Variants in DOCK1 observed in about 807,000 individuals in gnomAD.
The protein encoded by DOCK1 is dedicator of cytokinesis protein 1.
A neutral mutation model predicts 262.7 loss-of-function variants in DOCK1; 138 were observed. The observed-to-expected ratio is 0.53, with a 90% CI of 0.46 to 0.61. The LOEUF is 0.61. Among genes scored for constraint, DOCK1 ranks in the 20% least tolerant of loss-of-function variants. The pLI, the probability that DOCK1 is intolerant of heterozygous loss-of-function variation, is 0.00. For missense variants in DOCK1, 1,908 were observed against 2,370.7 expected (o/e 0.80, Z 4.05); for synonymous variants, 866 against 867.4 (o/e 1.00, Z 0.03).
At chr10:127,062,406 C>T (rs1181674979) in intron 23 of DOCK1, among the ~76,000 whole-genome samples, 1 of 152,148 alleles carries the variant, frequency 6.6e-6, no homozygotes, top group Non-Finnish European at 1.5e-5. Context: ...ATTCAGAATC[C>T]TTTCTACTTG....
chr10:126,970,748 G>T lies in DOCK1; in HGVS notation c.93G>T (p.Gln31His), dbSNP rs1043592156. 1.2e-6 allele frequency: 2 copies of T among 1,613,652 alleles called. No homozygotes were observed. The highest frequency in any genetic ancestry group is 1.7e-6 in the Non-Finnish European group (2 of 1,179,666). ...GAGGAGCGGATGAACTTTCTTTACA[G>T]ATCGGAGACACTGTGCACATCTTAG... Reference protein sequence around the residue: ...DARGADELSLQIGDTVHILET... With the variant: ...DARGADELSLHIGDTVHILET... Residue 31 changes from glutamine to histidine, a missense_variant, in exon 2 of 52, where the codon CAG (glutamine) becomes CAT (histidine). By Grantham distance (24) the Gln-to-His change is conservative (BLOSUM62 0). This residue lies in a region of DOCK1 where 227 missense variants were observed against 254.1 expected (regional missense o/e 0.89). Transcript: ENST00000623213.
intron 13 of DOCK1, among the ~76,000 whole-genome samples, chr10:127,022,720 A>C (rs2042528569): frequency 6.6e-6 from 1 of 152,096 alleles, no homozygotes; most frequent in Admixed American, 6.5e-5. Context: ...ATCAACTTTT[A>C]GTTCAACTCT....
chr10:127,427,886 C>CA (rs2068926793), intron 47 of DOCK1, among the ~76,000 whole-genome samples: 1 of 152,252 alleles, frequency 6.6e-6, no homozygotes, highest in Non-Finnish European at 1.5e-5. Flanking sequence ...GGCTTGAACC[C>CA]AACAAAGCCA....
rs1251002240 is a variant in DOCK1, at chr10:127,070,732, G to A, written c.2445+8956G>A. Among the ~76,000 whole-genome samples the A allele has an allele frequency of 5.3e-5, 8 of 151,100 alleles. No homozygotes were observed. In the Admixed American group the frequency reaches 5.3e-4, roughly 10 times the overall value. ...AGGACTGGAAACTTCTTAGAATCTA[G>A]TGTGCACATGAGTCACCTGGAGGTC... On this transcript the variant is annotated intron_variant, in intron 23 of 51. Transcript: ENST00000623213.
rs1468279043 is a variant in DOCK1 at position 126,990,461 on chromosome 10, A to C, written c.331A>C (p.Asn111His). ...TGGGTTTTTCCCCGTATAGCAAGAT[A>C]ACAGGGAGATGTTTCGAAGTGTGCG... ...TIWRQLYVQD[N>H]REMFRSVRHM... The change falls in exon 6 of 52, where the codon AAC becomes CAC. Residue 111 changes from asparagine to histidine, a missense_variant. Coordinates refer to ENST00000623213, the MANE Select transcript of DOCK1 (RefSeq NM_001290223.2). The C allele has an allele frequency of 3.5e-5, 57 of 1,608,120 alleles. No homozygotes were observed. Among genetic ancestry groups the C allele is most frequent in the Non-Finnish European group, 4.7e-5 (55 of 1,177,154 alleles).
At chr10:127,440,076 T>C (rs2069994441) in intron 49 of DOCK1, among the ~76,000 whole-genome samples, 1 of 146,958 alleles carries the variant, frequency 6.8e-6, no homozygotes, top group African/African-American at 2.5e-5. Flanking sequence ...GCTTGGCTTC[T>C]GGTGAGGCCT....
At chr10:127,348,662 G>GT (rs1188353241) in intron 31 of DOCK1, among the ~76,000 whole-genome samples, 2 of 151,878 alleles carry the variant, frequency 1.3e-5, no homozygotes, top group Non-Finnish European at 1.5e-5. Flanking sequence ...TTTTGTTTTT[G>GT]TTTTTTTGTA....
chr10:126,990,685 A>G (rs2039727433), intron 6 of DOCK1, 82 bp downstream of exon 6: 3 of 1,452,676 alleles, frequency 2.1e-6, no homozygotes, highest in Non-Finnish European at 2.7e-6. Context: ...GACCAAGATC[A>G]TATTTTATCA....
At chr10:127,404,532 G>C (rs1376038386) in intron 40 of DOCK1, 103 bp downstream of exon 40, 2 of 1,085,428 alleles carry the variant, frequency 1.8e-6, no homozygotes, top group Non-Finnish European at 2.7e-6. Flanking sequence ...GCGTGGGATC[G>C]TGCAACTCTC....
At chr10:127,069,200 T>C (rs11015988) in intron 23 of DOCK1, among the ~76,000 whole-genome samples, 16,071 of 152,256 alleles carry the variant, frequency 0.11, 1,070 homozygotes, top group Admixed American at 0.15. Context: ...TCTTTTCCAC[T>C]TCCTTCTATG....
rs767998082 is a variant in DOCK1 at position 127,043,124 on chromosome 10, A to G, written c.2161A>G (p.Thr721Ala). The change falls in exon 21 of 52, where the codon ACT becomes GCT. Residue 721 changes from threonine to alanine, a missense_variant. Thr to Ala is a moderately conservative substitution (Grantham distance 58). This residue lies in a region of DOCK1 where 294 missense variants were observed against 439.9 expected (regional missense o/e 0.67). Transcript: ENST00000623213. ...KFQHFNPVLE[T>A]YIKKHFSATL... ...TCAGCATTTTAATCCTGTTTTGGAAACTTACATTAAGAAACACTTTAGTGC... is the reference window on the plus strand; with the variant it reads ...TCAGCATTTTAATCCTGTTTTGGAAGCTTACATTAAGAAACACTTTAGTGC... The G allele has an allele frequency of 4.0e-5, 64 of 1,610,998 alleles. No individual in the cohort carries two copies. The highest frequency in any genetic ancestry group is 5.3e-5 in the Non-Finnish European group (62 of 1,178,544).
At chr10:127,259,653 T>C (rs902785765) in intron 29 of DOCK1, among the ~76,000 whole-genome samples, 9 of 152,150 alleles carry the variant, frequency 5.9e-5, no homozygotes, top group Non-Finnish European at 1.3e-4. Context: ...TCTCAGGCTG[T>C]GGATTCCGTG....
chr10:127,144,683 T>C (rs1024707186), intron 27 of DOCK1, among the ~76,000 whole-genome samples: 7 of 152,244 alleles, frequency 4.6e-5, no homozygotes, highest in Non-Finnish European at 7.3e-5. Flanking sequence ...ACATTAAATA[T>C]ATATGGATCT....
At chr10:127,350,215 G>C (rs1451243624) in intron 31 of DOCK1, among the ~76,000 whole-genome samples, 1 of 151,904 alleles carries the variant, frequency 6.6e-6, no homozygotes, top group Admixed American at 6.6e-5. Context: ...TATTTTTTAT[G>C]TCAGAAAAGT....
chr10:127,196,899 C>T (rs2057213259), intron 27 of DOCK1, among the ~76,000 whole-genome samples: 1 of 152,036 alleles, frequency 6.6e-6, no homozygotes, highest in Admixed American at 6.5e-5. Flanking sequence ...GGGCGGGGGA[C>T]TCCGTGTGTT....
At chr10:127,197,775 T>C (rs973556548) in intron 27 of DOCK1, among the ~76,000 whole-genome samples, 5 of 152,238 alleles carry the variant, frequency 3.3e-5, no homozygotes, top group Non-Finnish European at 5.9e-5. Flanking sequence ...CCATCCTTGT[T>C]CGCTGAGCTG....
intron 29 of DOCK1, among the ~76,000 whole-genome samples, chr10:127,324,399 G>A (rs184210046): frequency 2.6e-5 from 4 of 152,292 alleles, no homozygotes; most frequent in Non-Finnish European, 1.5e-5. Context: ...TTCTTGCAGG[G>A]CAGATGGAGA....
Position 126,949,900 on chromosome 10 carries a change from G to T in DOCK1, c.47-20802G>T, listed in dbSNP as rs901669328. The stretch of plus-strand genomic sequence containing the variant: ...CTGTCTGGCTCTCGATGGGAGGGCT[G>T]TGCTTTTTTAGAGTGTGGAGCCGCG... On this transcript the variant is annotated intron_variant, in intron 1 of 51. Coordinates refer to ENST00000623213, the MANE Select transcript of DOCK1 (RefSeq NM_001290223.2). Among the ~76,000 whole-genome samples the T allele has an allele frequency of 2.6e-5, 4 of 152,080 alleles. No homozygotes were observed. The South Asian group carries it at 8.3e-4, about 32-fold the overall frequency.
At chr10:127,401,873 C>T (rs1321487141) in intron 38 of DOCK1, among the ~76,000 whole-genome samples, 1 of 152,298 alleles carries the variant, frequency 6.6e-6, no homozygotes, top group East Asian at 1.9e-4. Context: ...TTCTTTACTG[C>T]AATGCCTTGA....
Sources: gnomAD v4.1 joint callset for allele counts (sites outside exome capture counted in the v4.1 genomes callset) on GRCh38, gnomAD v4.1.1 for gene constraint, gnomAD v4.1.1 regional missense constraint, MANE v1.5 for transcripts, NCBI Gene and HGNC (gene_info 2026-07-23, HGNC 2026-07-21) for gene names.